The following B3GALNT2 variants were observed in gnomAD, a reference collection of about 807,000 sequenced individuals.
B3GALNT2 encodes beta-1,3-N-acetylgalactosaminyltransferase 2.
In B3GALNT2, 53 loss-of-function variants were observed where a neutral mutation model predicts 61.1. That is an observed-to-expected ratio of 0.87 (90% CI 0.70 to 1.09). The LOEUF (loss-of-function observed/expected upper bound fraction) is 1.09. Ranked by LOEUF, B3GALNT2 falls within the 50% of genes least tolerant of loss-of-function variation. The probability of loss-of-function intolerance (pLI) is 0.00; values close to 1 mark genes in which losing one functional copy is unlikely to be tolerated. For synonymous variants in B3GALNT2, 223 were observed against 237.4 expected (o/e 0.94, Z 0.56); for missense variants, 544 against 623.0 (o/e 0.87, Z 1.35).
At chr1:235,458,846 T>G in intron 7 of B3GALNT2, 60 bp from the exon 8 acceptor site, 1 of 1,405,642 alleles carries the variant, frequency 7.1e-7, no homozygotes. Context: ...CATTCAGAAC[T>G]GATGATGTAC....
chr1:235,458,721 G>C lies in B3GALNT2; in HGVS notation c.907C>G (p.Leu303Val), dbSNP rs1226064640. ...PQRLIDHIRN[L>V]HEEDALLKEE... ...TTCAGTAAGGCATCTTCCTCATGGA[G>C]ATTCCTTATATGATCAATAAGTCTT... is the stretch of plus-strand genomic sequence containing the variant. The change falls in exon 8 of 12, where the codon CTC (leucine) becomes GTC (valine). Residue 303 changes from leucine to valine, a missense_variant. Physicochemically the swap from Leu to Val is conservative, Grantham distance 32 (BLOSUM62 1). Coordinates refer to ENST00000366600, the MANE Select transcript of B3GALNT2 (RefSeq NM_152490.5). 3 of 1,613,266 alleles carry C rather than the reference G, an allele frequency of 1.9e-6. No individual in the cohort carries two copies. Among genetic ancestry groups the C allele is most frequent in the Non-Finnish European group, 2.5e-6 (3 of 1,179,694 alleles).
chr1:235,440,187 G>T, the B3GALNT2 span, among the ~76,000 whole-genome samples: 1 of 152,094 alleles, frequency 6.6e-6, no homozygotes, highest in Non-Finnish European at 1.5e-5. Flanking sequence ...AGCCAGGATG[G>T]TCTCGATCTC....
At chr1:235,491,448 G>A (rs1285819738) in intron 2 of B3GALNT2, among the ~76,000 whole-genome samples, 1 of 152,104 alleles carries the variant, frequency 6.6e-6, no homozygotes, top group Non-Finnish European at 1.5e-5. Context: ...GTACATATAA[G>A]CATCATTTTT....
chr1:235,446,182 C>T (rs183971923), downstream of B3GALNT2, among the ~76,000 whole-genome samples: 614 of 147,796 alleles, frequency 4.2e-3, 3 homozygotes, highest in Non-Finnish European at 7.1e-3. Flanking sequence ...ACCTATACAT[C>T]CTTTTTTTTT....
chr1:235,444,190 A>C (rs1334786687), downstream of B3GALNT2, among the ~76,000 whole-genome samples: 2 of 152,184 alleles, frequency 1.3e-5, no homozygotes, highest in Admixed American at 1.3e-4. Context: ...TACCTTTCTG[A>C]TTGATAACCA....
rs897880657 is a variant in B3GALNT2 at position 235,504,411 on chromosome 1, C to G, written c.-159G>C. 53 of 743,630 alleles carry G rather than the reference C, an allele frequency of 7.1e-5. No individual in the cohort carries two copies. Among genetic ancestry groups the G allele is most frequent in the Middle Eastern group, 4.4e-4 (1 of 2,262 alleles). 46.1% of individuals were successfully genotyped at this position (743,630 alleles called of 1,614,324 possible). A position where few individuals can be genotyped will look rare whatever the true frequency, so the allele number is the denominator to read the frequency against. ...CTGGGGGGCTCCTCGCAGCTCCCGG[C>G]CCCGCTCCTCCGGTCCCTCAGACCG... is the stretch of plus-strand genomic sequence containing the variant. On this transcript the variant is annotated 5_prime_UTR_variant, in exon 1 of 12. Coordinates refer to ENST00000366600, the MANE Select transcript of B3GALNT2 (RefSeq NM_152490.5).
At chr1:235,456,528 T>C (rs1195116809) in intron 8 of B3GALNT2, among the ~76,000 whole-genome samples, 1 of 152,202 alleles carries the variant, frequency 6.6e-6, no homozygotes, top group Non-Finnish European at 1.5e-5. Flanking sequence ...ATACATAATA[T>C]TTGCTAATTA....
intron 6 of B3GALNT2, 92 bp from the exon 7 acceptor site, chr1:235,465,806 C>T: frequency 7.0e-7 from 1 of 1,438,646 alleles, no homozygotes; most frequent in Non-Finnish European, 9.6e-7. Flanking sequence ...TAATATGACT[C>T]CACTTGCAGC....
intron 4 of B3GALNT2, among the ~76,000 whole-genome samples, chr1:235,480,410 A>C (rs1048389773): frequency 3.3e-5 from 5 of 151,890 alleles, no homozygotes; most frequent in Non-Finnish European, 5.9e-5. Flanking sequence ...TAAAAAAAAA[A>C]CCCACCTTGA....
chr1:235,453,524 C>T (rs1200614337), intron 10 of B3GALNT2, among the ~76,000 whole-genome samples: 1 of 151,846 alleles, frequency 6.6e-6, no homozygotes. Context: ...GGCGCAATCT[C>T]AGCTCACTGC....
At chr1:235,495,832 A>T (rs1353338220) in intron 1 of B3GALNT2, among the ~76,000 whole-genome samples, 2 of 152,182 alleles carry the variant, frequency 1.3e-5, no homozygotes, top group Non-Finnish European at 2.9e-5. Context: ...TATTAAATGC[A>T]ATGTTTTTAT....
rs767929260 is a variant in B3GALNT2, at chr1:235,448,804, T to G, written c.*1402A>C. The G allele has an allele frequency of 3.0e-5, 42 of 1,377,414 alleles. No individual in the cohort carries two copies. In the South Asian group the frequency reaches 4.9e-4, roughly 16 times the overall value. The allele number at this position is 1,377,414 out of a possible 1,614,324, so 85.3% of individuals were successfully genotyped here. ...TTTAAAGACCACACTGCTTATCGTG[T>G]CTGGGGTTCACCGGAAATAAATGAT... On this transcript the variant is annotated 3_prime_UTR_variant, in exon 12 of 12. Transcript: ENST00000366600.
chr1:235,449,816 T>C lies in B3GALNT2; in HGVS notation c.*390A>G, dbSNP rs1682783112. ...TTAGCTCTACAGAGCTATCCTGCAA[T>C]CCAGGTTGAAATTCAAACTCTCAGT... On this transcript the variant is annotated 3_prime_UTR_variant, in exon 12 of 12. Transcript: ENST00000366600. 5.7e-6 allele frequency: 1 copy of C among 175,510 alleles called. No homozygotes were observed. Among genetic ancestry groups the C allele is most frequent in the East Asian group, 1.5e-4 (1 of 6,602 alleles). The allele number at this position is 175,510 out of a possible 1,614,324, so 10.9% of individuals were successfully genotyped here.
chr1:235,498,541 C>T (rs147036395), intron 1 of B3GALNT2, among the ~76,000 whole-genome samples: 1,862 of 152,162 alleles, frequency 0.012, 20 homozygotes, highest in Non-Finnish European at 0.018. Flanking sequence ...GTGATTTCAA[C>T]AAAGTGGCTA....
intron 2 of B3GALNT2, 63 bp downstream of exon 2, chr1:235,494,618 G>A: frequency 6.6e-7 from 1 of 1,523,930 alleles, no homozygotes; most frequent in South Asian, 1.2e-5. Context: ...CACCACGCCT[G>A]GCTAGGTTTT....
intron 5 of B3GALNT2, among the ~76,000 whole-genome samples, chr1:235,474,987 A>ATATATATATATATTTTT (rs1180244284): frequency 2.8e-5 from 1 of 35,574 alleles, no homozygotes; most frequent in African/African-American, 1.1e-4. Flanking sequence ...ATATATATAT[A>ATATATATATATATTTTT]TTTTTTTTTT....
rs1683135230 is a variant in B3GALNT2, at chr1:235,455,701, G to A, written c.1026-17C>T. The A allele has an allele frequency of 1.9e-6, 3 of 1,602,790 alleles. No homozygotes were observed. The highest frequency in any genetic ancestry group is 1.1e-5 in the South Asian group (1 of 90,722). ...TCCACAGTCCTGTTGACACAAAAGG[G>A]ATAAGAAAGTCAGTGCGACCAAACA... On this transcript the variant is annotated splice_polypyrimidine_tract_variant and intron_variant, in intron 8 of 11. Coordinates refer to ENST00000366600, the MANE Select transcript of B3GALNT2 (RefSeq NM_152490.5).
chr1:235,470,721 A>G, intron 6 of B3GALNT2, 129 bp downstream of exon 6: 1 of 1,362,236 alleles, frequency 7.3e-7, no homozygotes, highest in South Asian at 1.7e-5. Flanking sequence ...ATTTGCTACT[A>G]TATATGTTGT....
intron 5 of B3GALNT2, among the ~76,000 whole-genome samples, chr1:235,477,760 T>C (rs1684357030): frequency 6.6e-6 from 1 of 152,148 alleles, no homozygotes; most frequent in Non-Finnish European, 1.5e-5. Context: ...GGAGGGCAAA[T>C]TGCCCCTGGT....
Sources: gnomAD v4.1 joint callset for allele counts (sites outside exome capture counted in the v4.1 genomes callset) on GRCh38, gnomAD v4.1.1 for gene constraint, MANE v1.5 for transcripts, NCBI Gene and HGNC (gene_info 2026-07-23, HGNC 2026-07-21) for gene names.